NETO1: variants seen among roughly 807,000 people sequenced by gnomAD.
The protein encoded by NETO1 is neuropilin and tolloid like 1.
NETO1 carries 26 observed loss-of-function variants against 61.3 expected under a neutral mutation model. That is an observed-to-expected ratio of 0.42 (90% CI 0.31 to 0.59). The LOEUF (loss-of-function observed/expected upper bound fraction) is 0.59. NETO1 is among the 20% of genes least tolerant of loss of function. The pLI is 0.12. For missense variants in NETO1, 531 were observed against 662.8 expected (o/e 0.80, Z 2.18); for synonymous variants, 225 against 225.8 (o/e 1.00, Z 0.03).
intron 6 of NETO1, among the ~76,000 whole-genome samples, chr18:72,790,121 G>A (rs1163337195): frequency 6.6e-6 from 1 of 152,116 alleles, no homozygotes; most frequent in Non-Finnish European, 1.5e-5. Flanking sequence ...AGTAAACTGT[G>A]TAAGCTAGAG....
chr18:72,768,235 A>G lies in NETO1; in HGVS notation c.869-12088T>C, dbSNP rs558576339. 1.3e-4 allele frequency among the ~76,000 whole-genome samples: 20 copies of G among 152,304 alleles called. No individual in the cohort carries two copies. In the East Asian group the frequency reaches 3.9e-3, roughly 29 times the overall value. ...CATATTTAAATCTTTAGGACAGATT[A>G]ACTTTTTTATTTTTTTCTACAGTAA... On this transcript the variant is annotated intron_variant, in intron 7 of 10. Coordinates refer to ENST00000327305, the MANE Select transcript of NETO1 (RefSeq NM_138966.5).
intron 7 of NETO1, among the ~76,000 whole-genome samples, chr18:72,768,365 T>C (rs921576262): frequency 6.6e-6 from 1 of 152,172 alleles, no homozygotes; most frequent in Non-Finnish European, 1.5e-5. Flanking sequence ...TCAGTTGACA[T>C]TGTATACCTT....
rs1341296691 is a variant in NETO1 at position 72,841,733 on chromosome 18, C to CAAAAAAAAAAAA, written c.469+17092_469+17093insTTTTTTTTTTTT. ...TGGGAGACAGAGTGAGACTCTACCT[C>CAAAAAAAAAAAA]AACAAAAAAAAAAAAAAAAAAAAAG... On this transcript the variant is annotated intron_variant, in intron 4 of 10. Coordinates refer to ENST00000327305, the MANE Select transcript of NETO1 (RefSeq NM_138966.5). 4.4e-4 allele frequency among the ~76,000 whole-genome samples: 31 copies of CAAAAAAAAAAAA among 71,002 alleles called. 14 individuals carry two copies. Among genetic ancestry groups the CAAAAAAAAAAAA allele is most frequent in the Non-Finnish European group, 5.2e-4 (20 of 38,280 alleles). The allele number at this position is 71,002 out of a possible 152,430, so 46.6% of individuals were successfully genotyped here.
At chr18:72,805,490 T>C (rs546428121) in intron 4 of NETO1, among the ~76,000 whole-genome samples, 1 of 152,336 alleles carries the variant, frequency 6.6e-6, no homozygotes, top group African/African-American at 2.4e-5. Context: ...CCAGATATTA[T>C]TTTAATTACT....
intron 6 of NETO1, 118 bp downstream of exon 6, chr18:72,793,999 A>C: frequency 4.6e-6 from 6 of 1,304,114 alleles, no homozygotes; most frequent in African/African-American, 1.5e-5. Context: ...ATGAAATCAT[A>C]GCCTTTGATG....
At chr18:72,851,449 C>T (rs977829696) in intron 4 of NETO1, among the ~76,000 whole-genome samples, 10 of 151,518 alleles carry the variant, frequency 6.6e-5, no homozygotes, top group African/African-American at 2.4e-4. Context: ...AAACAAAATT[C>T]GTGGGAGATC....
At chr18:72,820,213 G>A (rs939846602) in intron 4 of NETO1, among the ~76,000 whole-genome samples, 28 of 152,116 alleles carry the variant, frequency 1.8e-4, no homozygotes, top group African/African-American at 4.1e-4. Context: ...AGAGGAGGAC[G>A]AATAATTTTT....
At chr18:72,794,306 T>C in intron 5 of NETO1, 57 bp downstream of exon 5, 1 of 1,613,756 alleles carries the variant, frequency 6.2e-7, no homozygotes, top group Non-Finnish European at 8.5e-7. Flanking sequence ...ACCAAAAGTG[T>C]ATTTCATAGC....
At chr18:72,835,289 G>T (rs1599112933) in intron 4 of NETO1, 1 of 1,590,642 alleles carries the variant, frequency 6.3e-7, no homozygotes, top group Non-Finnish European at 8.6e-7. Context: ...GAAACACTCT[G>T]TAGATCCTGC....
At chr18:72,842,705 T>C (rs1264649823) in intron 4 of NETO1, among the ~76,000 whole-genome samples, 1 of 152,152 alleles carries the variant, frequency 6.6e-6, no homozygotes, top group Non-Finnish European at 1.5e-5. Flanking sequence ...TAGCTCAACA[T>C]GTAAAAATCT....
At chr18:72,865,816 A>C in intron 1 of NETO1, 2 of 943,832 alleles carry the variant, frequency 2.1e-6, no homozygotes, top group Non-Finnish European at 2.9e-6. Context: ...GTTGCCTACA[A>C]AAATGTTCTG....
chr18:72,790,184 T>C (rs140546741), intron 6 of NETO1, among the ~76,000 whole-genome samples: 1 of 152,172 alleles, frequency 6.6e-6, no homozygotes, highest in African/African-American at 2.4e-5. Flanking sequence ...ATGTATTTTA[T>C]ACATATTTTG....
intron 4 of NETO1, chr18:72,835,411 T>C (rs761553291): frequency 3.8e-6 from 4 of 1,060,988 alleles, no homozygotes; most frequent in Non-Finnish European, 5.6e-6. Flanking sequence ...GCTGTTTGGG[T>C]AATACAGGAG....
Position 72,795,823 on chromosome 18 carries a change from C to T in NETO1, c.470-1419G>A, listed in dbSNP as rs149049914. On this transcript the variant is annotated intron_variant, in intron 4 of 10. Transcript: ENST00000327305. Reference sequence around the variant, plus strand: ...TAGGATATATTGTTATTAACTACAGCTACCATGGTGATCTCTTGAACTTAT... The same window carrying T: ...TAGGATATATTGTTATTAACTACAGTTACCATGGTGATCTCTTGAACTTAT... Among the ~76,000 whole-genome samples the T allele has an allele frequency of 4.6e-3, 706 of 152,292 alleles. 5 individuals are homozygous for T. The highest frequency in any genetic ancestry group is 0.016 in the African/African-American group (676 of 41,552).
intron 4 of NETO1, among the ~76,000 whole-genome samples, chr18:72,843,114 A>G (rs143593340): frequency 1.7e-3 from 254 of 152,334 alleles, no homozygotes; most frequent in African/African-American, 5.7e-3. Context: ...ATGCTTGATA[A>G]GAAAGAAGTT....
In NETO1 at chr18:72,746,288, TA is replaced by T. The variant is rs777202686; in HGVS notation, c.*1890del. ...GCAATATAAGATATGATTAATCCTT[TA>T]AAAAAATCTTTGGTGTATTAATTTT... On this transcript the variant is annotated 3_prime_UTR_variant, in exon 11 of 11. Transcript: ENST00000327305. Among the ~76,000 whole-genome samples the T allele has an allele frequency of 6.6e-5, 10 of 152,100 alleles. No homozygotes were observed. Among genetic ancestry groups the T allele is most frequent in the Admixed American group, 2.0e-4 (3 of 15,266 alleles).
In NETO1 at chr18:72,857,554, G is replaced by A. The variant is rs143536699; in HGVS notation, c.469+1272C>T. On this transcript the variant is annotated intron_variant, in intron 4 of 10. Transcript: ENST00000327305. ...TAACTTATGAAACCTAGAACATGCC[G>A]TATGTCACTGTCTCTAGGTACAGGT... Among the ~76,000 whole-genome samples the A allele has an allele frequency of 1.4e-4, 22 of 152,212 alleles. No homozygotes were observed. In the South Asian group the frequency reaches 2.1e-3, roughly 14 times the overall value.
intron 4 of NETO1, among the ~76,000 whole-genome samples, chr18:72,849,772 A>G (rs948321765): frequency 6.6e-6 from 1 of 152,196 alleles, no homozygotes; most frequent in African/African-American, 2.4e-5. Flanking sequence ...ACTGGCCTAA[A>G]AATCAAGGCA....
chr18:72,849,408 A>G (rs1429227284), intron 4 of NETO1, among the ~76,000 whole-genome samples: 1 of 152,178 alleles, frequency 6.6e-6, no homozygotes, highest in Non-Finnish European at 1.5e-5. Context: ...ATGAAGATTT[A>G]GGTATTCTTT....
Sources: gnomAD v4.1 joint callset for allele counts (sites outside exome capture counted in the v4.1 genomes callset) on GRCh38, gnomAD v4.1.1 for gene constraint, MANE v1.5 for transcripts, NCBI Gene and HGNC (gene_info 2026-07-23, HGNC 2026-07-21) for gene names.